The following GIN1 variants were observed in gnomAD, a reference collection of about 807,000 sequenced individuals.
GIN1 encodes gypsy retrotransposon integrase-like protein 1.
GIN1 carries 41 observed loss-of-function variants against 51.4 expected under a neutral mutation model. That is an observed-to-expected ratio of 0.80 (90% CI 0.62 to 1.04). The LOEUF is 1.04. GIN1 is among the 50% of genes least tolerant of loss of function. GIN1 has a pLI of 0.00. For synonymous variants in GIN1, 222 were observed against 206.5 expected (o/e 1.07, Z -0.64); for missense variants, 610 against 612.4 (o/e 1.00, Z 0.04).
intron 1 of GIN1, among the ~76,000 whole-genome samples, chr5:103,117,024 G>A (rs1554197434): frequency 6.6e-6 from 1 of 152,040 alleles, no homozygotes; most frequent in Non-Finnish European, 1.5e-5. Context: ...TTTACCATAT[G>A]GTCCAGCAAT....
At chr5:103,115,146 C>T (rs1394672045) in intron 1 of GIN1, among the ~76,000 whole-genome samples, 2 of 152,102 alleles carry the variant, frequency 1.3e-5, no homozygotes, top group African/African-American at 4.8e-5. Context: ...CCAGTTACAA[C>T]GTTGGAGACA....
intron 4 of GIN1, among the ~76,000 whole-genome samples, chr5:103,103,282 C>A (rs1787626561): frequency 6.6e-6 from 1 of 152,222 alleles, no homozygotes; most frequent in South Asian, 2.1e-4. Flanking sequence ...TAAACACGTC[C>A]TGTGTAACTC....
intron 5 of GIN1, 46 bp downstream of exon 5, chr5:103,097,544 G>A: frequency 1.3e-6 from 2 of 1,497,412 alleles, no homozygotes; most frequent in Non-Finnish European, 1.8e-6. Flanking sequence ...ATCTGGCCAA[G>A]AAATAGTCAT....
chr5:103,091,684 T>C (rs1554194554), intron 7 of GIN1, among the ~76,000 whole-genome samples: 1 of 152,136 alleles, frequency 6.6e-6, no homozygotes, highest in Non-Finnish European at 1.5e-5. Flanking sequence ...GGTTTTTTTT[T>C]TAAAGAGATG....
chr5:103,112,709 TC>T (rs1787921088), intron 1 of GIN1, among the ~76,000 whole-genome samples: 1 of 152,202 alleles, frequency 6.6e-6, no homozygotes, highest in Non-Finnish European at 1.5e-5. Context: ...TCTAAAGTGA[TC>T]TTGACCTCTC....
intron 7 of GIN1, among the ~76,000 whole-genome samples, chr5:103,089,332 C>T (rs1355636193): frequency 6.6e-6 from 1 of 152,108 alleles, no homozygotes; most frequent in East Asian, 1.9e-4. Flanking sequence ...ACTCTTTTAC[C>T]AAAGCTGATT....
intron 7 of GIN1, among the ~76,000 whole-genome samples, chr5:103,091,149 G>A (rs1371431159): frequency 6.6e-6 from 1 of 152,144 alleles, no homozygotes; most frequent in African/African-American, 2.4e-5. Flanking sequence ...CTGGAGCTAA[G>A]AGAAATGCTC....
chr5:103,093,412 C>A (rs1787309451), intron 7 of GIN1, among the ~76,000 whole-genome samples: 1 of 152,092 alleles, frequency 6.6e-6, no homozygotes, highest in South Asian at 2.1e-4. Flanking sequence ...TGAAGGTAAC[C>A]TCTAGAAGCT....
At chr5:103,094,173 T>G (rs533139236) in intron 7 of GIN1, among the ~76,000 whole-genome samples, 1 of 152,254 alleles carries the variant, frequency 6.6e-6, no homozygotes, top group African/African-American at 2.4e-5. Flanking sequence ...AATCAACTTG[T>G]GAGGTGATTT....
In GIN1 at chr5:103,104,596, A is replaced by G. The variant is rs1787670067; in HGVS notation, c.584T>C (p.Leu195Ser). Reference protein sequence around the residue: ...VSKAIINIFFLYGPPQKIIMD... With the variant: ...VSKAIINIFFSYGPPQKIIMD... ...TATTATTTTCTGAGGAGGTCCATAT[A>G]AGAAAAATATATTGATAATAGCTTT... Residue 195 changes from leucine (L) to serine (S), a missense_variant, in exon 4 of 8, where the codon TTA becomes TCA. By Grantham distance (145) the Leu-to-Ser change is moderately radical (BLOSUM62 -2). Transcript: ENST00000399004. 6.4e-7 allele frequency: 1 copy of G among 1,570,170 alleles called. No homozygotes were observed. The highest frequency in any genetic ancestry group is 8.8e-7 in the Non-Finnish European group (1 of 1,140,790).
At chr5:103,119,237 C>T (rs1443147043) in intron 1 of GIN1, among the ~76,000 whole-genome samples, 1 of 152,138 alleles carries the variant, frequency 6.6e-6, no homozygotes, top group Non-Finnish European at 1.5e-5. Context: ...TTATAATACC[C>T]GCTGGTTCCA....
intron 7 of GIN1, among the ~76,000 whole-genome samples, chr5:103,094,242 C>A (rs1453570652): frequency 6.6e-6 from 1 of 151,890 alleles, no homozygotes; most frequent in African/African-American, 2.4e-5. Flanking sequence ...AAAAAGATGG[C>A]AGAAATCACA....
At chr5:103,104,208 C>T (rs1787657210) in intron 4 of GIN1, among the ~76,000 whole-genome samples, 1 of 152,164 alleles carries the variant, frequency 6.6e-6, no homozygotes. Flanking sequence ...CCACCTCAGC[C>T]TCCTAAACTG....
At position 103,104,778 on chromosome 5, in the gene GIN1, G is replaced by A; in HGVS notation, c.402C>T (p.Leu134=). The A allele has an allele frequency of 6.2e-7, 1 of 1,611,786 alleles. No homozygotes were observed. Among genetic ancestry groups the A allele is most frequent in the Non-Finnish European group, 8.5e-7 (1 of 1,178,016 alleles). Residue 134 remains leucine, a synonymous_variant, in exon 4 of 8, where the codon CTC becomes CTT. Coordinates refer to ENST00000399004, the MANE Select transcript of GIN1 (RefSeq NM_017676.2). ...TVIVAPKQHL[L]KVENPWSLVT... ...CTAAACTCCATGGATTTTCCACCTT[G>A]AGAAGGTGCTGTTTCGGTGCTACAA...
chr5:103,117,273 A>G (rs1788058221), intron 1 of GIN1, among the ~76,000 whole-genome samples: 1 of 152,152 alleles, frequency 6.6e-6, no homozygotes, highest in African/African-American at 2.4e-5. Context: ...GCTAAGTGAA[A>G]TAAGCCAGAC....
chr5:103,098,676 C>T (rs1268319220), intron 4 of GIN1, among the ~76,000 whole-genome samples: 1 of 152,004 alleles, frequency 6.6e-6, no homozygotes, highest in Non-Finnish European at 1.5e-5. Flanking sequence ...CCAGGCTGGT[C>T]TCAAACTCCT....
chr5:103,090,736 C>G (rs1165741459), intron 7 of GIN1, among the ~76,000 whole-genome samples: 1 of 152,032 alleles, frequency 6.6e-6, no homozygotes, highest in Non-Finnish European at 1.5e-5. Context: ...AAAAATATGC[C>G]TAGATGTAAA....
intron 1 of GIN1, among the ~76,000 whole-genome samples, chr5:103,118,907 G>C (rs973904052): frequency 6.6e-6 from 1 of 151,814 alleles, no homozygotes; most frequent in Non-Finnish European, 1.5e-5. Context: ...GACTGTCCTG[G>C]GACTTCTTTG....
chr5:103,119,525 T>C (rs1788293028), intron 1 of GIN1, among the ~76,000 whole-genome samples: 1 of 152,214 alleles, frequency 6.6e-6, no homozygotes, highest in Non-Finnish European at 1.5e-5. Flanking sequence ...GAAATGCCCA[T>C]TTAAGAAAAA....
Sources: allele counts gnomAD v4.1 joint callset (sites outside exome capture counted in the v4.1 genomes callset), GRCh38; gene constraint gnomAD v4.1.1; transcripts MANE v1.5; gene names NCBI Gene and HGNC (gene_info 2026-07-23, HGNC 2026-07-21).